Variants in UBR3 observed in about 807,000 individuals in gnomAD.
The protein encoded by UBR3 is E3 ubiquitin-protein ligase UBR3.
In UBR3, 85 loss-of-function variants were observed where a neutral mutation model predicts 243.2. That is an observed-to-expected ratio of 0.35 (90% CI 0.29 to 0.42). The LOEUF is 0.42. Among genes scored for constraint, UBR3 ranks in the 10% least tolerant of loss-of-function variants. The pLI, the probability that UBR3 is intolerant of heterozygous loss-of-function variation, is 1.00. For missense variants in UBR3, 1,686 were observed against 2,300.8 expected (o/e 0.73, Z 5.47); for synonymous variants, 748 against 799.8 (o/e 0.94, Z 1.09).
rs183861537 is a variant in UBR3, at chr2:169,912,672, A to G, written c.1780-1388A>G. On this transcript the variant is annotated intron_variant, in intron 10 of 38. Transcript: ENST00000272793. ...GAATAATACTTCTGTGAATGTTTAT[A>G]TACATTTTTTGTGTGAACATATATT... Among the ~76,000 whole-genome samples the G allele has an allele frequency of 4.6e-3, 697 of 152,248 alleles. 6 individuals carry two copies. Among genetic ancestry groups the G allele is most frequent in the African/African-American group, 0.016 (655 of 41,562 alleles).
intron 1 of UBR3, among the ~76,000 whole-genome samples, chr2:169,858,142 TG>T (rs1176755120): frequency 6.6e-6 from 1 of 152,228 alleles, no homozygotes; most frequent in Non-Finnish European, 1.5e-5. Flanking sequence ...TGGGTGGTTC[TG>T]GTATAGCATC....
At chr2:169,837,060 T>C (rs1301142695) in intron 1 of UBR3, among the ~76,000 whole-genome samples, 1 of 152,262 alleles carries the variant, frequency 6.6e-6, no homozygotes, top group Non-Finnish European at 1.5e-5. Flanking sequence ...AAAATGCTTA[T>C]ATGTTTTCTA....
In UBR3 at chr2:170,032,580, C is replaced by CTTT. The variant is rs6147023; in HGVS notation, c.4556+3161_4556+3163dup. 1.3e-3 allele frequency among the ~76,000 whole-genome samples: 26 copies of CTTT among 20,480 alleles called. 2 individuals are homozygous for CTTT. Among genetic ancestry groups the CTTT allele is most frequent in the African/African-American group, 3.2e-3 (15 of 4,726 alleles). The allele number at this position is 20,480 out of a possible 152,430, so 13.4% of individuals were successfully genotyped here. A position where few individuals can be genotyped will look rare whatever the true frequency, so the allele number is the denominator to read the frequency against. ...TTTTCTTTGTGCTTGATGACATTCA[C>CTTT]TTTTTTTTTTTTTTTTTTTTTTTTT... is the stretch of plus-strand genomic sequence containing the variant. On this transcript the variant is annotated intron_variant, in intron 31 of 38. Transcript: ENST00000272793.
At chr2:169,852,365 C>T (rs143468907) in intron 1 of UBR3, among the ~76,000 whole-genome samples, 61 of 152,044 alleles carry the variant, frequency 4.0e-4, no homozygotes, top group Non-Finnish European at 6.8e-4. Context: ...CCTTTTGGAA[C>T]GTGAGGTTGG....
intron 13 of UBR3, 102 bp from the exon 14 acceptor site, chr2:169,925,517 A>G: frequency 9.3e-7 from 1 of 1,077,800 alleles, no homozygotes; most frequent in Non-Finnish European, 1.3e-6. Context: ...TATCGGGCTT[A>G]TACTATGATC....
intron 31 of UBR3, 53 bp from the exon 32 acceptor site, chr2:170,040,817 ATATAAAATAAAT>A: frequency 8.3e-7 from 1 of 1,198,638 alleles, no homozygotes; most frequent in East Asian, 2.5e-5. Context: ...TATATGTGAC[ATATAAAATAAAT>A]TAGAAAGAGA....
chr2:169,895,702 G>T (rs1294906810), intron 7 of UBR3, among the ~76,000 whole-genome samples: 1 of 152,174 alleles, frequency 6.6e-6, no homozygotes, highest in Non-Finnish European at 1.5e-5. Context: ...GTGAGATCAG[G>T]CTGGGAAAAG....
chr2:169,931,700 TA>T (rs2086138902), intron 18 of UBR3, among the ~76,000 whole-genome samples: 1 of 152,200 alleles, frequency 6.6e-6, no homozygotes, highest in Non-Finnish European at 1.5e-5. Flanking sequence ...TTGCCACATC[TA>T]AATAGCCTCT....
intron 1 of UBR3, among the ~76,000 whole-genome samples, chr2:169,845,508 TCGTC>T (rs2082439343): frequency 2.2e-5 from 2 of 91,674 alleles, no homozygotes; most frequent in African/African-American, 4.6e-5. Flanking sequence ...GTCATCGTCG[TCGTC>T]GTCGTCGTCG....
chr2:170,033,383 T>C (rs574101887), intron 31 of UBR3, among the ~76,000 whole-genome samples: 1 of 152,080 alleles, frequency 6.6e-6, no homozygotes, highest in South Asian at 2.1e-4. Flanking sequence ...TACCAGTTTT[T>C]ATATATGAGG....
intron 31 of UBR3, among the ~76,000 whole-genome samples, chr2:170,039,210 CA>C (rs1160734627): frequency 2.0e-5 from 3 of 152,012 alleles, no homozygotes; most frequent in African/African-American, 7.2e-5. Flanking sequence ...CAGTGTTTCA[CA>C]AAAGCCAAGA....
chr2:169,928,082 A>G (rs567774158), intron 17 of UBR3, among the ~76,000 whole-genome samples: 31 of 152,352 alleles, frequency 2.0e-4, no homozygotes, highest in African/African-American at 7.2e-4. Flanking sequence ...AATAAGTCCT[A>G]TTAGAATGCC....
chr2:169,979,198 A>C (rs1291493177), intron 24 of UBR3, among the ~76,000 whole-genome samples: 1 of 152,246 alleles, frequency 6.6e-6, no homozygotes, highest in Non-Finnish European at 1.5e-5. Context: ...GAGTAAAACA[A>C]CAGTGAGATA....
Position 170,008,901 on chromosome 2 carries a change from C to T in UBR3, c.4328C>T (p.Ser1443Leu). The T allele has an allele frequency of 1.9e-6, 3 of 1,598,942 alleles. No homozygotes were observed. The highest frequency in any genetic ancestry group is 2.6e-6 in the Non-Finnish European group (3 of 1,173,958). ...KYRDYSKTPG[S>L]PDNDFLFMYS... ...AGAGACTATAGCAAGACCCCGGGCTCACCAGACAATGATTTTCTCTTTATG... is the reference window on the plus strand; with the variant it reads ...AGAGACTATAGCAAGACCCCGGGCTTACCAGACAATGATTTTCTCTTTATG... The change falls in exon 29 of 39, where the codon TCA (serine) becomes TTA (leucine). Residue 1443 changes from serine (S) to leucine (L), a missense_variant. Ser to Leu is a moderately radical substitution (Grantham distance 145). This residue lies in a region of UBR3 where 371 missense variants were observed against 422.5 expected (regional missense o/e 0.88). Transcript: ENST00000272793.
chr2:170,056,091 T>C lies in UBR3; in HGVS notation c.4785+507T>C, dbSNP rs1381639660. 5.0e-5 allele frequency among the ~76,000 whole-genome samples: 7 copies of C among 140,390 alleles called. No homozygotes were observed. The Admixed American group carries it at 5.4e-4, about 11-fold the overall frequency. The allele number at this position is 140,390 out of a possible 152,430, so 92.1% of individuals were successfully genotyped here. On this transcript the variant is annotated intron_variant, in intron 33 of 38. Transcript: ENST00000272793. ...GGTACAATCTCAGCTCACTGCAACC[T>C]CTGCCTCCTGGGTTCAAGCAATTCT...
At chr2:170,005,291 G>T (rs2089872961) in intron 27 of UBR3, among the ~76,000 whole-genome samples, 1 of 152,208 alleles carries the variant, frequency 6.6e-6, no homozygotes, top group South Asian at 2.1e-4. Context: ...TTCCTAGGAT[G>T]TAGAGAAAGA....
intron 22 of UBR3, 50 bp from the exon 23 acceptor site, chr2:169,949,555 T>C (rs755532317): frequency 2.1e-6 from 3 of 1,426,362 alleles, no homozygotes; most frequent in Non-Finnish European, 2.8e-6. Context: ...TTTAAAATGA[T>C]GCTAAATAAC....
chr2:170,077,844 C>T, intron 36 of UBR3: 1 of 312,662 alleles, frequency 3.2e-6, no homozygotes, highest in Admixed American at 4.8e-5. Context: ...CCTTGGCCTC[C>T]CAAAGTTCTG....
At chr2:169,843,690 C>A (rs944316468) in intron 1 of UBR3, among the ~76,000 whole-genome samples, 1 of 152,114 alleles carries the variant, frequency 6.6e-6, no homozygotes, top group Non-Finnish European at 1.5e-5. Context: ...ATTTAAGTTG[C>A]TTGTATTTTG....
Sources: allele counts gnomAD v4.1 joint callset (sites outside exome capture counted in the v4.1 genomes callset), GRCh38; gene constraint gnomAD v4.1.1; regional missense constraint gnomAD v4.1.1; transcripts MANE v1.5; gene names NCBI Gene and HGNC (gene_info 2026-07-23, HGNC 2026-07-21).